Variants in PAPPA2 observed in about 807,000 individuals in gnomAD.
PAPPA2 encodes the protein pappalysin 2.
Under a neutral mutation model 176.4 loss-of-function variants are expected in PAPPA2, and 86 were observed. The ratio of observed to expected loss-of-function variants is 0.49; its 90% CI spans 0.41 to 0.58. PAPPA2 has a LOEUF of 0.58. Among genes scored for constraint, PAPPA2 ranks in the 20% least tolerant of loss-of-function variants. PAPPA2 has a pLI of 0.00. For synonymous variants in PAPPA2, 809 were observed against 852.2 expected, an observed-to-expected ratio of 0.95 and a Z score of 0.88; for missense variants, 2,073 against 2,256.9, an observed-to-expected ratio of 0.92 and a Z score of 1.65.
At chr1:176,670,558 A>C (rs1372087148) in intron 3 of PAPPA2, among the ~76,000 whole-genome samples, 1 of 152,212 alleles carries the variant, frequency 6.6e-6, no homozygotes, top group Non-Finnish European at 1.5e-5. Flanking sequence ...TTGAACTGGA[A>C]TTCAAGGATC....
At chr1:176,540,008 G>A (rs1650283779) in intron 1 of PAPPA2, among the ~76,000 whole-genome samples, 1 of 152,152 alleles carries the variant, frequency 6.6e-6, no homozygotes, top group Non-Finnish European at 1.5e-5. Flanking sequence ...TCTGATCTTA[G>A]TCTGCTGGGA....
intron 21 of PAPPA2, among the ~76,000 whole-genome samples, chr1:176,812,211 C>CT (rs36087008): frequency 0.44 from 62,311 of 142,564 alleles, 13,292 homozygotes; most frequent in East Asian, 0.6. Flanking sequence ...CTTTTTTGTT[C>CT]TTTTTTTTTT....
intron 15 of PAPPA2, among the ~76,000 whole-genome samples, 158 bp from the exon 16 acceptor site, chr1:176,769,447 GTA>G (rs1664119505): frequency 6.6e-6 from 1 of 152,192 alleles, no homozygotes; most frequent in South Asian, 2.1e-4. Context: ...TTGTAAGAAT[GTA>G]TATTAAAACA....
At chr1:176,780,250 A>C (rs1016976988) in intron 17 of PAPPA2, among the ~76,000 whole-genome samples, 1 of 152,172 alleles carries the variant, frequency 6.6e-6, no homozygotes, top group Non-Finnish European at 1.5e-5. Context: ...CAGGAACAGA[A>C]ATATAACAAT....
At chr1:176,786,668 G>C (rs1664946697) in intron 17 of PAPPA2, among the ~76,000 whole-genome samples, 3 of 152,220 alleles carry the variant, frequency 2.0e-5, no homozygotes, top group Admixed American at 6.5e-5. Flanking sequence ...AACAGTCAGA[G>C]CCTGACGTGG....
At chr1:176,730,505 T>A (rs1662088521) in intron 12 of PAPPA2, among the ~76,000 whole-genome samples, 1 of 152,084 alleles carries the variant, frequency 6.6e-6, no homozygotes, top group South Asian at 2.1e-4. Flanking sequence ...TTTTCTTGAT[T>A]ACGCATGCAT....
At chr1:176,599,059 A>G (rs1354629180) in intron 3 of PAPPA2, among the ~76,000 whole-genome samples, 1 of 152,108 alleles carries the variant, frequency 6.6e-6, no homozygotes, top group African/African-American at 2.4e-5. Flanking sequence ...TTGGATTGAA[A>G]AACAGTTTAT....
chr1:176,546,297 AC>A (rs1207824862), intron 1 of PAPPA2, among the ~76,000 whole-genome samples: 1 of 152,116 alleles, frequency 6.6e-6, no homozygotes, highest in Admixed American at 6.5e-5. Flanking sequence ...CACTCTCTTT[AC>A]CTGGGACATT....
chr1:176,654,827 T>C (rs1439099535), intron 3 of PAPPA2, among the ~76,000 whole-genome samples: 1 of 151,770 alleles, frequency 6.6e-6, no homozygotes, highest in African/African-American at 2.4e-5. Flanking sequence ...TTTATTTTCA[T>C]AGCTATTGTC....
chr1:176,668,195 C>T (rs958233287), intron 3 of PAPPA2, among the ~76,000 whole-genome samples: 12 of 152,250 alleles, frequency 7.9e-5, no homozygotes, highest in Middle Eastern at 6.8e-3. Context: ...GTTTCTGAGA[C>T]GATTTTTATA....
intron 4 of PAPPA2, among the ~76,000 whole-genome samples, chr1:176,682,142 C>G (rs988330235): frequency 6.6e-6 from 1 of 152,188 alleles, no homozygotes; most frequent in African/African-American, 2.4e-5. Flanking sequence ...AATGAAGCCT[C>G]AGGTGCTAAG....
At chr1:176,663,695 G>A (rs1251738875) in intron 3 of PAPPA2, among the ~76,000 whole-genome samples, 1 of 151,970 alleles carries the variant, frequency 6.6e-6, no homozygotes, top group Admixed American at 6.6e-5. Flanking sequence ...TACATTGATG[G>A]TAGGTGCCTT....
chr1:176,552,347 T>TC (rs1651012702), intron 1 of PAPPA2, among the ~76,000 whole-genome samples: 1 of 131,470 alleles, frequency 7.6e-6, no homozygotes, highest in African/African-American at 2.9e-5. Flanking sequence ...CTCGCCTTGC[T>TC]CCCTTCCCCT....
chr1:176,814,773 A>C (rs1378241978), intron 21 of PAPPA2, among the ~76,000 whole-genome samples: 2 of 152,158 alleles, frequency 1.3e-5, no homozygotes, highest in African/African-American at 2.4e-5. Context: ...AATATGCTTT[A>C]TTTCTTTCTC....
intron 4 of PAPPA2, among the ~76,000 whole-genome samples, chr1:176,677,615 C>T (rs553432329): frequency 2.6e-5 from 4 of 152,224 alleles, no homozygotes; most frequent in East Asian, 1.9e-4. Flanking sequence ...TTAAGTTAGT[C>T]GTAAACCAGC....
rs1651371885 is a variant in PAPPA2, at chr1:176,557,226, C to G, written c.904C>G (p.Pro302Ala). The G allele has an allele frequency of 4.4e-6, 7 of 1,595,964 alleles. No individual in the cohort carries two copies. The highest frequency in any genetic ancestry group is 1.8e-5 in the Admixed American group (1 of 57,122). ...WVKPEGGQNN[P>A]AIIAGVFDNC... ...TAAACCGGAGGGAGGACAGAACAAC[C>G]CAGCCATCATCGCAGGTAACACCCT... Residue 302 changes from proline to alanine, a missense_variant, in exon 2 of 23, where the codon CCA becomes GCA. Coordinates refer to ENST00000367662, the MANE Select transcript of PAPPA2 (RefSeq NM_020318.3).
chr1:176,619,554 C>T (rs1309984060), intron 3 of PAPPA2, among the ~76,000 whole-genome samples: 1 of 152,122 alleles, frequency 6.6e-6, no homozygotes. Context: ...TTTGCTTTCT[C>T]TTATAAAAGC....
intron 2 of PAPPA2, among the ~76,000 whole-genome samples, chr1:176,586,117 C>T (rs1653287790): frequency 6.6e-6 from 1 of 152,062 alleles, no homozygotes; most frequent in South Asian, 2.1e-4. Flanking sequence ...TTCTGTGCAT[C>T]CAGTAGAACA....
intron 7 of PAPPA2, among the ~76,000 whole-genome samples, chr1:176,698,229 T>TATAG (rs1389067525): frequency 2.3e-5 from 3 of 127,744 alleles, no homozygotes; most frequent in Non-Finnish European, 5.3e-5. Context: ...TAGAACATTG[T>TATAG]ATAGATCTAC....
Sources: allele counts gnomAD v4.1 joint callset (sites outside exome capture counted in the v4.1 genomes callset), GRCh38; gene constraint gnomAD v4.1.1; transcripts MANE v1.5; gene names NCBI Gene and HGNC (gene_info 2026-07-23, HGNC 2026-07-21).